The following RASAL2 variants were observed in gnomAD, a reference collection of about 807,000 sequenced individuals.
The protein encoded by RASAL2 is RAS protein activator like 2.
RASAL2 carries 58 observed loss-of-function variants against 128.9 expected under a neutral mutation model. The observed-to-expected ratio is 0.45, with a 90% CI of 0.36 to 0.56. RASAL2 has a LOEUF of 0.56. RASAL2 is among the 20% of genes least tolerant of loss of function. The pLI is 0.00. For missense variants in RASAL2, 1,360 were observed against 1,601.6 expected (o/e 0.85, Z 2.57); for synonymous variants, 561 against 580.8 (o/e 0.97, Z 0.49).
chr1:178,150,072 T>G (rs1660862412), intron 1 of RASAL2, among the ~76,000 whole-genome samples: 1 of 152,250 alleles, frequency 6.6e-6, no homozygotes, highest in African/African-American at 2.4e-5. Flanking sequence ...GTCAATTCAT[T>G]AGATAAGCTT....
chr1:178,094,288 C>A lies in RASAL2; in HGVS notation c.-205C>A. ...GATCCTCCTCCCGGCCTGGGTCCCGCCCGCCGACTGCAGGTGGGCTGCATC... is the reference window on the plus strand; with the variant it reads ...GATCCTCCTCCCGGCCTGGGTCCCGACCGCCGACTGCAGGTGGGCTGCATC... On this transcript the variant is annotated 5_prime_UTR_variant, in exon 1 of 18. Coordinates refer to ENST00000367649, the MANE Select transcript of RASAL2 (RefSeq NM_170692.4). 1 of 550,644 alleles carries A rather than the reference C, an allele frequency of 1.8e-6. No homozygotes were observed. The highest frequency in any genetic ancestry group is 3.1e-6 in the Non-Finnish European group (1 of 320,804). The allele number at this position is 550,644 out of a possible 1,614,324, so 34.1% of individuals were successfully genotyped here.
chr1:178,137,877 A>G (rs1660382687), intron 1 of RASAL2, among the ~76,000 whole-genome samples: 1 of 152,202 alleles, frequency 6.6e-6, no homozygotes, highest in African/African-American at 2.4e-5. Context: ...AGAATATATA[A>G]AGAATCTAAT....
intron 1 of RASAL2, among the ~76,000 whole-genome samples, chr1:178,278,399 T>C (rs554653437): frequency 6.6e-5 from 10 of 152,188 alleles, no homozygotes; most frequent in Admixed American, 2.0e-4. Flanking sequence ...TTTGTGCCTA[T>C]AGCCTGAAAA....
chr1:178,224,916 C>A (rs1240736140), intron 1 of RASAL2, among the ~76,000 whole-genome samples: 1 of 152,080 alleles, frequency 6.6e-6, no homozygotes, highest in Non-Finnish European at 1.5e-5. Context: ...TACACTAATC[C>A]TAGAATATCT....
chr1:178,425,024 G>A lies in RASAL2; in HGVS notation c.674+4404G>A, dbSNP rs369453959. On this transcript the variant is annotated intron_variant, in intron 5 of 17. Transcript: ENST00000367649. Reference sequence around the variant, plus strand: ...AACCAAAGATACAGCCCTCAACCTCGAGGAGTCCAGTAAAAGAGGTAAGTG... The same window carrying A: ...AACCAAAGATACAGCCCTCAACCTCAAGGAGTCCAGTAAAAGAGGTAAGTG... Among the ~76,000 whole-genome samples the A allele has an allele frequency of 6.6e-5, 10 of 152,212 alleles. No homozygotes were observed. In the East Asian group the frequency reaches 1.4e-3, roughly 21 times the overall value.
chr1:178,241,958 A>G (rs1411408423), intron 1 of RASAL2, among the ~76,000 whole-genome samples: 3 of 152,202 alleles, frequency 2.0e-5, no homozygotes, highest in Non-Finnish European at 4.4e-5. Context: ...TTTTTTGCTC[A>G]TGCAGGGAGC....
At chr1:178,317,182 G>C in intron 3 of RASAL2, among the ~76,000 whole-genome samples, 2 of 129,428 alleles carry the variant, frequency 1.5e-5, no homozygotes, top group South Asian at 2.2e-4. Flanking sequence ...TGTGCTGCTG[G>C]ATTCGGTTTG....
intron 10 of RASAL2, 59 bp downstream of exon 10, chr1:178,451,774 C>T (rs1677392012): frequency 6.6e-7 from 1 of 1,526,602 alleles, no homozygotes; most frequent in Admixed American, 2.1e-5. Context: ...CACAGTGGAA[C>T]TTACATTTTT....
At chr1:178,186,964 C>T (rs1168893219) in intron 1 of RASAL2, among the ~76,000 whole-genome samples, 1 of 151,970 alleles carries the variant, frequency 6.6e-6, no homozygotes, top group Non-Finnish European at 1.5e-5. Context: ...GTTAGGACTA[C>T]AAGCATGTGC....
intron 1 of RASAL2, among the ~76,000 whole-genome samples, chr1:178,231,151 T>G (rs1663992612): frequency 6.6e-6 from 1 of 152,138 alleles, no homozygotes; most frequent in Non-Finnish European, 1.5e-5. Flanking sequence ...CTGCAACCAA[T>G]TACTATTTTA....
At chr1:178,190,157 T>C (rs767186755) in intron 1 of RASAL2, among the ~76,000 whole-genome samples, 3 of 152,196 alleles carry the variant, frequency 2.0e-5, no homozygotes, top group Non-Finnish European at 2.9e-5. Flanking sequence ...GTATATACTG[T>C]GTATTTCTTT....
At chr1:178,228,029 A>G (rs1663856453) in intron 1 of RASAL2, among the ~76,000 whole-genome samples, 1 of 152,226 alleles carries the variant, frequency 6.6e-6, no homozygotes, top group Non-Finnish European at 1.5e-5. Context: ...GATTAAGGAT[A>G]AAGCTTAGAG....
chr1:178,145,436 G>A (rs972391711), intron 1 of RASAL2, among the ~76,000 whole-genome samples: 3 of 150,370 alleles, frequency 2.0e-5, no homozygotes, highest in African/African-American at 7.3e-5. Flanking sequence ...TTATCTAGAT[G>A]CTTTCTTTTT....
intron 5 of RASAL2, among the ~76,000 whole-genome samples, chr1:178,429,036 A>G (rs1172631473): frequency 6.6e-6 from 1 of 152,096 alleles, no homozygotes; most frequent in Non-Finnish European, 1.5e-5. Flanking sequence ...CTTTTCTCTC[A>G]TGGGGTGATT....
chr1:178,393,705 G>A (rs542063509), intron 4 of RASAL2, among the ~76,000 whole-genome samples: 1 of 152,200 alleles, frequency 6.6e-6, no homozygotes, highest in East Asian at 1.9e-4. Context: ...AATTCCAATT[G>A]CAATTATTTG....
chr1:178,373,274 CTT>C (rs60835442), intron 3 of RASAL2, among the ~76,000 whole-genome samples: 20 of 60,034 alleles, frequency 3.3e-4, no homozygotes, highest in Non-Finnish European at 3.9e-4. Flanking sequence ...TGTTTCTTTC[CTT>C]TTTTTTTTTT....
At chr1:178,449,430 C>T (rs905277656) in intron 9 of RASAL2, among the ~76,000 whole-genome samples, 1 of 152,160 alleles carries the variant, frequency 6.6e-6, no homozygotes, top group Non-Finnish European at 1.5e-5. Flanking sequence ...TCCTTGTTGA[C>T]TTATTCCTAC....
chr1:178,153,069 T>C (rs565888061), intron 1 of RASAL2, among the ~76,000 whole-genome samples: 1 of 152,344 alleles, frequency 6.6e-6, no homozygotes, highest in South Asian at 2.1e-4. Context: ...GTTATATTTC[T>C]AGATCTCTCT....
At chr1:178,358,195 C>T in intron 3 of RASAL2, among the ~76,000 whole-genome samples, 1 of 140,670 alleles carries the variant, frequency 7.1e-6, no homozygotes, top group African/African-American at 2.7e-5. Context: ...GAGAAGGCGC[C>T]ACTGTTCTCC....
Sources: allele counts gnomAD v4.1 joint callset (sites outside exome capture counted in the v4.1 genomes callset), GRCh38; gene constraint gnomAD v4.1.1; transcripts MANE v1.5; gene names NCBI Gene and HGNC (gene_info 2026-07-23, HGNC 2026-07-21).